The following CRY2 variants were observed in gnomAD, a reference collection of about 807,000 sequenced individuals.
CRY2 encodes cryptochrome circadian regulator 2, also known as cryptochrome-2.
CRY2 carries 31 observed loss-of-function variants against 69.5 expected under a neutral mutation model. The ratio of observed to expected loss-of-function variants is 0.45; its 90% confidence interval spans 0.34 to 0.60. The LOEUF (loss-of-function observed/expected upper bound fraction) is 0.60, where lower values mean the gene tolerates loss of function less well. Ranked by LOEUF, CRY2 falls within the 20% of genes least tolerant of loss-of-function variation. The pLI, the probability that CRY2 is intolerant of heterozygous loss-of-function variation, is 0.02. For missense variants in CRY2, 606 were observed against 797.8 expected, an observed-to-expected ratio of 0.76 and a Z score of 2.90; for synonymous variants, 303 against 312.2, an observed-to-expected ratio of 0.97 and a Z score of 0.31.
At chr11:45,852,647 G>A (rs1263977869) in intron 1 of CRY2, among the ~76,000 whole-genome samples, 2 of 152,202 alleles carry the variant, frequency 1.3e-5, no homozygotes, top group African/African-American at 4.8e-5. Flanking sequence ...GGAAGAAGCA[G>A]AGCATTTCTA....
At position 45,870,318 on chromosome 11, in the gene CRY2, A is replaced by G. The variant is rs1352017505; in HGVS notation, c.1347-12A>G. 1.2e-6 allele frequency: 2 copies of G among 1,614,136 alleles called. No individual in the cohort carries two copies. Among genetic ancestry groups the G allele is most frequent in the South Asian group, 1.1e-5 (1 of 91,080 alleles). On this transcript the variant is annotated splice_polypyrimidine_tract_variant and intron_variant, in intron 8 of 11. Coordinates refer to ENST00000616080, the MANE Select transcript of CRY2 (RefSeq NM_021117.5). ...GGTATGCTGATGGGTCATCTGGTGT[A>G]TCTTATTTCAGGCGATACCTGCCCA...
intron 6 of CRY2, 44 bp downstream of exon 6, chr11:45,867,796 C>T: frequency 6.2e-7 from 1 of 1,612,052 alleles, no homozygotes. Context: ...AGGCCTGCAG[C>T]CAGGCCTTTT....
chr11:45,847,532 G>T lies in CRY2; in HGVS notation c.42G>T (p.Ala14=). 6.3e-7 allele frequency: 1 copy of T among 1,586,120 alleles called. No individual in the cohort carries two copies. ...CGACGGCGGCAGCTGTGGCCCCGGC[G>T]CCAGCGCCCGGCACGGACAGCGCCT... ...TVATAAAVAP[A]PAPGTDSASS... The change falls in exon 1 of 12, where the codon GCG becomes GCT. Residue 14 remains alanine, a synonymous_variant. Coordinates refer to ENST00000616080, the MANE Select transcript of CRY2 (RefSeq NM_021117.5).
At chr11:45,852,518 C>T (rs1019618605) in intron 1 of CRY2, among the ~76,000 whole-genome samples, 1 of 152,192 alleles carries the variant, frequency 6.6e-6, no homozygotes, top group Non-Finnish European at 1.5e-5. Context: ...TCATTCTCTG[C>T]ATTCTCTGGC....
intron 3 of CRY2, among the ~76,000 whole-genome samples, chr11:45,860,386 TAAAA>T (rs34068985): frequency 3.1e-5 from 4 of 130,466 alleles, no homozygotes; most frequent in Admixed American, 7.7e-5. Context: ...ATGTTAGAGT[TAAAA>T]AAAAAAAAAA....
Position 45,867,620 on chromosome 11 carries a change from T to A in CRY2, c.750T>A (p.Val250=). The change falls in exon 6 of 12, where the codon GTT becomes GTA. Residue 250 remains valine, a synonymous_variant. Coordinates refer to ENST00000616080, the MANE Select transcript of CRY2 (RefSeq NM_021117.5). ...LDKHLERKAW[V]ANYERPRMNA... ...TTCTCTTTCTGCTGTAGGCCTGGGT[T>A]GCCAACTATGAGAGACCCCGAATGA... 1 of 1,614,192 alleles carries A rather than the reference T, an allele frequency of 6.2e-7. No individual in the cohort carries two copies.
At chr11:45,856,276 G>GA in intron 2 of CRY2, 186 bp downstream of exon 2, 1 of 565,400 alleles carries the variant, frequency 1.8e-6, no homozygotes, top group Non-Finnish European at 3.1e-6. Context: ...CTGTGTTAAG[G>GA]AAAAAAATTC....
At chr11:45,864,822 C>G (rs1377784677) in intron 5 of CRY2, among the ~76,000 whole-genome samples, 2 of 152,088 alleles carry the variant, frequency 1.3e-5, no homozygotes, top group African/African-American at 2.4e-5. Flanking sequence ...GAGACGAGAT[C>G]ATGCCACTGC....
chr11:45,872,694 T>C (rs1010363964), intron 11 of CRY2, among the ~76,000 whole-genome samples: 3 of 152,108 alleles, frequency 2.0e-5, no homozygotes, highest in Non-Finnish European at 4.4e-5. Context: ...GTCAAGCCCT[T>C]TTGTATTTTT....
intron 11 of CRY2, among the ~76,000 whole-genome samples, chr11:45,877,392 A>G (rs1016619900): frequency 1.3e-5 from 2 of 152,252 alleles, no homozygotes; most frequent in Non-Finnish European, 2.9e-5. Flanking sequence ...ACCCTCTGCC[A>G]GCATAAACTC....
chr11:45,874,373 C>T (rs2086409945), intron 11 of CRY2, among the ~76,000 whole-genome samples: 1 of 152,096 alleles, frequency 6.6e-6, no homozygotes, highest in African/African-American at 2.4e-5. Flanking sequence ...CAAATAGGGG[C>T]TTATTTTTCT....
intron 5 of CRY2, 91 bp from the exon 6 acceptor site, chr11:45,867,521 C>T (rs1444187465): frequency 7.8e-6 from 12 of 1,534,838 alleles, no homozygotes; most frequent in Admixed American, 1.7e-5. Context: ...GTTCTGTGAC[C>T]GTAGGCAGAT....
chr11:45,856,152 C>T (rs963901755), intron 2 of CRY2, 62 bp downstream of exon 2: 6 of 1,291,090 alleles, frequency 4.6e-6, no homozygotes, highest in East Asian at 2.3e-5. Flanking sequence ...TCCCCACAGC[C>T]TGAGTGATAT....
intron 1 of CRY2, among the ~76,000 whole-genome samples, chr11:45,849,655 T>G (rs1185835372): frequency 6.7e-6 from 1 of 150,244 alleles, no homozygotes; most frequent in African/African-American, 2.4e-5. Flanking sequence ...AGTTTTGTTC[T>G]TGTTGCCCAG....
intron 1 of CRY2, among the ~76,000 whole-genome samples, chr11:45,850,509 A>G (rs1163939782): frequency 6.6e-6 from 1 of 152,162 alleles, no homozygotes; most frequent in Non-Finnish European, 1.5e-5. Context: ...GCCTGGAAAC[A>G]GACACACTCC....
rs2086373798 is a variant in CRY2 at position 45,870,824 on chromosome 11, T to C, written c.1550-18T>C. 1 of 1,602,402 alleles carries C rather than the reference T, an allele frequency of 6.2e-7. No homozygotes were observed. Reference sequence around the variant, plus strand: ...TCCTGCGAGACGGCACTCTGATTACTCCTCGCCTCTCTCCCAGGTCTACTG... The same window carrying C: ...TCCTGCGAGACGGCACTCTGATTACCCCTCGCCTCTCTCCCAGGTCTACTG... On this transcript the variant is annotated intron_variant, in intron 9 of 11. Transcript: ENST00000616080.
At chr11:45,870,690 TG>T in intron 9 of CRY2, 151 bp from the exon 10 acceptor site, 1 of 1,112,110 alleles carries the variant, frequency 9.0e-7, no homozygotes, top group Non-Finnish European at 1.3e-6. Context: ...TGGGATGAAC[TG>T]GGCCTTCCTG....
intron 1 of CRY2, among the ~76,000 whole-genome samples, 154 bp downstream of exon 1, chr11:45,847,859 G>C (rs1325090582): frequency 6.6e-6 from 1 of 152,256 alleles, no homozygotes; most frequent in African/African-American, 2.4e-5. Flanking sequence ...GTCCTAACGC[G>C]CCGGTGGGCC....
At chr11:45,871,324 C>T (rs1391590625) in intron 10 of CRY2, among the ~76,000 whole-genome samples, 1 of 152,084 alleles carries the variant, frequency 6.6e-6, no homozygotes, top group African/African-American at 2.4e-5. Flanking sequence ...TTCAAGGAAC[C>T]GAAGGGAGGT....
Sources: gnomAD v4.1 joint callset for allele counts (sites outside exome capture counted in the v4.1 genomes callset) on GRCh38, gnomAD v4.1.1 for gene constraint, MANE v1.5 for transcripts, NCBI Gene and HGNC (gene_info 2026-07-23, HGNC 2026-07-21) for gene names.